Variants in ADGRG6 observed in about 807,000 individuals in gnomAD.
The protein encoded by ADGRG6 is G-protein coupled receptor 126.
A neutral mutation model predicts 142.4 loss-of-function variants in ADGRG6; 84 were observed. The observed-to-expected ratio is 0.59, with a 90% CI of 0.49 to 0.71. ADGRG6 has a LOEUF of 0.71. Among genes scored for constraint, ADGRG6 ranks in the 30% least tolerant of loss-of-function variants. The pLI, the probability that ADGRG6 is intolerant of heterozygous loss-of-function variation, is 0.00. For synonymous variants in ADGRG6, 521 were observed against 520.5 expected, an observed-to-expected ratio of 1.00 and a Z score of -0.01; for missense variants, 1,367 against 1,466.6, an observed-to-expected ratio of 0.93 and a Z score of 1.11.
At chr6:142,324,617 CA>C (rs1754396705) in intron 2 of ADGRG6, among the ~76,000 whole-genome samples, 1 of 152,018 alleles carries the variant, frequency 6.6e-6, no homozygotes, top group Non-Finnish European at 1.5e-5. Context: ...TCTTAATTAT[CA>C]GGTATGTGTG....
chr6:142,399,415 G>A (rs1775383984), intron 10 of ADGRG6, among the ~76,000 whole-genome samples: 1 of 151,970 alleles, frequency 6.6e-6, no homozygotes. Flanking sequence ...TAACAAATGG[G>A]GCTTTTTGGA....
At chr6:142,323,612 T>A (rs1317543843) in intron 2 of ADGRG6, among the ~76,000 whole-genome samples, 1 of 152,086 alleles carries the variant, frequency 6.6e-6, no homozygotes, top group Non-Finnish European at 1.5e-5. Flanking sequence ...GGTGATTTCG[T>A]CACTGTGCAA....
At chr6:142,373,690 C>T (rs745384263) in intron 4 of ADGRG6, among the ~76,000 whole-genome samples, 3 of 152,118 alleles carry the variant, frequency 2.0e-5, no homozygotes, top group South Asian at 2.1e-4. Context: ...CAGGTGTGCA[C>T]CACCATGCCC....
Position 142,420,060 on chromosome 6 carries a change from A to G in ADGRG6, c.3275A>G (p.Asn1092Ser). The change falls in exon 22 of 25, where the codon AAT becomes AGT. Residue 1092 changes from asparagine to serine, a missense_variant. This residue lies in a region of ADGRG6 where 344 missense variants were observed against 348.7 expected (regional missense o/e 0.99). Transcript: ENST00000367609. The part of the protein sequence containing the change: ...GFAFFAWGPL[N>S]IPFMYLFSIF... The stretch of plus-strand genomic sequence containing the variant: ...GCATTCTTTGCCTGGGGACCCTTAA[A>G]TATCCCCTTCATGTACCTCTTCTCC... 1 of 1,612,988 alleles carries G rather than the reference A, an allele frequency of 6.2e-7. No homozygotes were observed. The highest frequency in any genetic ancestry group is 8.5e-7 in the Non-Finnish European group (1 of 1,179,120).
chr6:142,304,265 T>C (rs1211500707), intron 1 of ADGRG6, among the ~76,000 whole-genome samples: 2 of 152,208 alleles, frequency 1.3e-5, no homozygotes, highest in Admixed American at 1.3e-4. Context: ...TGCCTCCTCC[T>C]TGTGGAGAAA....
In ADGRG6 at chr6:142,417,106, GT is replaced by G. The variant is rs1776400683; in HGVS notation, c.2939-165del. The G allele has an allele frequency of 5.9e-6, 4 of 673,444 alleles. No individual in the cohort carries two copies. In the East Asian group the frequency reaches 1.1e-4, roughly 19 times the overall value. The allele number at this position is 673,444 out of a possible 1,614,324, so 41.7% of individuals were successfully genotyped here. On this transcript the variant is annotated intron_variant, in intron 20 of 24. Transcript: ENST00000367609. ...CATTGAACCCCAAGGAGGGGATTTT[GT>G]TGTTAACCAAGTTGCCATTTCTAAG...
At chr6:142,392,787 C>T (rs1400742148) in intron 7 of ADGRG6, among the ~76,000 whole-genome samples, 161 bp from the exon 8 acceptor site, 1 of 151,958 alleles carries the variant, frequency 6.6e-6, no homozygotes, top group African/African-American at 2.4e-5. Context: ...TACAGTGATC[C>T]ATTAACTGTT....
intron 2 of ADGRG6, among the ~76,000 whole-genome samples, chr6:142,360,586 G>A (rs1036973985): frequency 6.6e-6 from 1 of 152,156 alleles, no homozygotes; most frequent in African/African-American, 2.4e-5. Flanking sequence ...TGGAATTAAA[G>A]CACCTCTGTT....
chr6:142,373,881 C>CTT (rs769498618), intron 4 of ADGRG6, among the ~76,000 whole-genome samples: 89 of 93,834 alleles, frequency 9.5e-4, no homozygotes, highest in African/African-American at 2.3e-3. Context: ...TTTTTCTTTT[C>CTT]TTTTTTTTTT....
intron 2 of ADGRG6, among the ~76,000 whole-genome samples, chr6:142,359,346 A>C (rs998974218): frequency 6.6e-6 from 1 of 151,730 alleles, no homozygotes; most frequent in African/African-American, 2.4e-5. Context: ...GCAAAATCTT[A>C]TCTCTGCCTA....
At chr6:142,430,401 A>G (rs1777151701) in intron 22 of ADGRG6, among the ~76,000 whole-genome samples, 1 of 152,198 alleles carries the variant, frequency 6.6e-6, no homozygotes, top group African/African-American at 2.4e-5. Context: ...AAATGACAAT[A>G]TGCATTGCCT....
At chr6:142,302,720 A>C in intron 1 of ADGRG6, 1 of 245,426 alleles carries the variant, frequency 4.1e-6, no homozygotes, top group Non-Finnish European at 7.8e-6. Flanking sequence ...CTCCGGAATC[A>C]ACACCTGGGG....
intron 2 of ADGRG6, among the ~76,000 whole-genome samples, chr6:142,318,244 ATATATTATATATATT>A: frequency 3.9e-5 from 2 of 50,640 alleles, no homozygotes; most frequent in Non-Finnish European, 6.5e-5. Context: ...ATATATATTT[ATATATTATATATATT>A]TATTATATAT....
chr6:142,400,303 T>A (rs1347841975), intron 10 of ADGRG6, among the ~76,000 whole-genome samples, 182 bp from the exon 11 acceptor site: 1 of 152,004 alleles, frequency 6.6e-6, no homozygotes. Flanking sequence ...TAAATGTTAA[T>A]GTTTTTTCTA....
chr6:142,395,536 C>T (rs1185924774), intron 9 of ADGRG6, among the ~76,000 whole-genome samples: 2 of 152,154 alleles, frequency 1.3e-5, no homozygotes, highest in Non-Finnish European at 2.9e-5. Context: ...ATGTCAGCAC[C>T]TCAGAAACTC....
chr6:142,378,051 G>C (rs1414906831), intron 4 of ADGRG6, among the ~76,000 whole-genome samples: 1 of 152,180 alleles, frequency 6.6e-6, no homozygotes. Context: ...AAAATACTGA[G>C]AAGTAATTGT....
At position 142,400,521 on chromosome 6, in the gene ADGRG6, A is replaced by C; in HGVS notation, c.1604A>C (p.Tyr535Ser). ...CLAMEEPKGY[Y>S]WPSIQPSEYV... ...GCCATGGAGGAACCCAAAGGCTACTACTGGCCATCTATCCAACCTTCTGAA... is the reference window on the plus strand; with the variant it reads ...GCCATGGAGGAACCCAAAGGCTACTCCTGGCCATCTATCCAACCTTCTGAA... The change falls in exon 11 of 25, where the codon TAC (tyrosine) becomes TCC (serine). Residue 535 changes from tyrosine (Y) to serine (S), a missense_variant. By Grantham distance (144) the Tyr-to-Ser change is moderately radical. This residue lies in a region of ADGRG6 where 737 missense variants were observed against 746.5 expected (regional missense o/e 0.99). Coordinates refer to ENST00000367609, the MANE Select transcript of ADGRG6 (RefSeq NM_198569.3). The C allele has an allele frequency of 6.2e-7, 1 of 1,600,668 alleles. No individual in the cohort carries two copies. Among genetic ancestry groups the C allele is most frequent in the Non-Finnish European group, 8.6e-7 (1 of 1,168,190 alleles).
chr6:142,433,336 A>T (rs1777304752), intron 22 of ADGRG6, among the ~76,000 whole-genome samples: 2 of 152,158 alleles, frequency 1.3e-5, no homozygotes, highest in Admixed American at 1.3e-4. Context: ...AACCAATTCG[A>T]ATTATTTATA....
At chr6:142,345,887 T>G (rs1432476352) in intron 2 of ADGRG6, among the ~76,000 whole-genome samples, 1 of 152,232 alleles carries the variant, frequency 6.6e-6, no homozygotes, top group Non-Finnish European at 1.5e-5. Context: ...GTTGTTATAC[T>G]TTAGATTTGT....
Sources: gnomAD v4.1 joint callset for allele counts (sites outside exome capture counted in the v4.1 genomes callset) on GRCh38, gnomAD v4.1.1 for gene constraint, gnomAD v4.1.1 regional missense constraint, MANE v1.5 for transcripts, NCBI Gene and HGNC (gene_info 2026-07-23, HGNC 2026-07-21) for gene names.